The following GPHN variants were observed in gnomAD, a reference collection of about 807,000 sequenced individuals.
The protein encoded by GPHN is gephyrin.
GPHN carries 17 observed loss-of-function variants against 95.5 expected under a neutral mutation model. The observed-to-expected ratio is 0.18, with a 90% CI of 0.12 to 0.27. The LOEUF is 0.27. Among genes scored for constraint, GPHN ranks in the 10% least tolerant of loss-of-function variants. The pLI is 1.00. For missense variants in GPHN, 660 were observed against 978.1 expected (o/e 0.67, Z 4.34); for synonymous variants, 320 against 322.5 (o/e 0.99, Z 0.08).
At chr14:66,976,433 G>C (rs1250211503) in intron 9 of GPHN, among the ~76,000 whole-genome samples, 3 of 152,122 alleles carry the variant, frequency 2.0e-5, no homozygotes, top group African/African-American at 7.2e-5. Context: ...AACAAAATTT[G>C]TTAGATATTG....
chr14:67,086,376 G>C (rs1369761527), intron 11 of GPHN, among the ~76,000 whole-genome samples: 1 of 152,216 alleles, frequency 6.6e-6, no homozygotes, highest in Admixed American at 6.5e-5. Flanking sequence ...TTCTGGTCGG[G>C]CGCGGTGGCT....
chr14:66,639,921 T>C (rs1372888631), intron 1 of GPHN, among the ~76,000 whole-genome samples: 3 of 152,196 alleles, frequency 2.0e-5, no homozygotes, highest in Admixed American at 1.3e-4. Context: ...GCTTATCGTA[T>C]TTCTGTTTAG....
intron 5 of GPHN, among the ~76,000 whole-genome samples, chr14:66,909,652 G>A (rs964357185): frequency 1.3e-5 from 2 of 151,848 alleles, no homozygotes; most frequent in Non-Finnish European, 1.5e-5. Flanking sequence ...GCAATGATTC[G>A]AAGGGAACTT....
At chr14:66,766,985 C>G (rs964329634) in intron 2 of GPHN, among the ~76,000 whole-genome samples, 3 of 151,986 alleles carry the variant, frequency 2.0e-5, no homozygotes, top group Admixed American at 1.3e-4. Flanking sequence ...ATATAGTTAG[C>G]TTCTCAACTT....
chr14:67,203,003 T>C, the GPHN span: 1 of 1,340,514 alleles, frequency 7.5e-7, no homozygotes, highest in Non-Finnish European at 1.0e-6. Flanking sequence ...CCTCCTTTAT[T>C]TCCTACCCTC....
At chr14:67,489,674 A>G in the GPHN span, among the ~76,000 whole-genome samples, 1 of 152,172 alleles carries the variant, frequency 6.6e-6, no homozygotes, top group Non-Finnish European at 1.5e-5. Context: ...CCTTCAACTG[A>G]AACATGTCAT....
the GPHN span, among the ~76,000 whole-genome samples, chr14:67,696,627 T>C: frequency 6.6e-6 from 1 of 152,196 alleles, no homozygotes; most frequent in South Asian, 2.1e-4. Context: ...TATCTCAGAT[T>C]GGCACAGTTG....
intron 1 of GPHN, among the ~76,000 whole-genome samples, chr14:66,655,076 C>A (rs1285122762): frequency 6.6e-6 from 1 of 152,066 alleles, no homozygotes; most frequent in African/African-American, 2.4e-5. Flanking sequence ...AATTCTTTTT[C>A]AAAATTGTTT....
intron 21 of GPHN, among the ~76,000 whole-genome samples, chr14:67,173,125 C>T (rs1228461236): frequency 2.6e-5 from 4 of 152,146 alleles, no homozygotes; most frequent in Non-Finnish European, 4.4e-5. Context: ...ACAACCTACA[C>T]TCAAAACTAC....
At chr14:67,058,951 A>G (rs2075715751) in intron 11 of GPHN, 165 bp downstream of exon 11, 1 of 700,114 alleles carries the variant, frequency 1.4e-6, no homozygotes, top group Non-Finnish European at 2.4e-6. Flanking sequence ...GAAAAAGGCT[A>G]AGGGTTCAGC....
At chr14:66,930,587 A>G (rs572341932) in intron 8 of GPHN, among the ~76,000 whole-genome samples, 135 of 143,624 alleles carry the variant, frequency 9.4e-4, no homozygotes, top group African/African-American at 2.4e-3. Context: ...GTGTAATGGT[A>G]TAATCACGGC....
chr14:67,695,524 G>C, the GPHN span: 3 of 1,135,338 alleles, frequency 2.6e-6, no homozygotes, highest in East Asian at 7.9e-5. Flanking sequence ...CGCCATCTTG[G>C]AGCCCCCCCA....
chr14:67,253,509 A>G, the GPHN span, among the ~76,000 whole-genome samples: 1 of 152,250 alleles, frequency 6.6e-6, no homozygotes, highest in Admixed American at 6.5e-5. Context: ...GGTGTTTTTC[A>G]GTAGGTTGTT....
the GPHN span, chr14:67,729,224 G>C: frequency 1.2e-6 from 2 of 1,611,848 alleles, no homozygotes; most frequent in Non-Finnish European, 1.7e-6. Context: ...GTGCACCCAG[G>C]CGTCGTCCGC....
intron 2 of GPHN, among the ~76,000 whole-genome samples, chr14:66,741,376 A>G (rs935502145): frequency 3.9e-5 from 6 of 152,222 alleles, no homozygotes; most frequent in African/African-American, 1.4e-4. Context: ...GACTTGTGAA[A>G]CCATATACAG....
intron 2 of GPHN, among the ~76,000 whole-genome samples, chr14:66,725,617 G>T (rs558861345): frequency 6.6e-6 from 1 of 152,102 alleles, no homozygotes; most frequent in Non-Finnish European, 1.5e-5. Flanking sequence ...CTGAGTAGCT[G>T]GGATTACAGG....
chr14:67,160,506 C>A (rs1027392579), intron 19 of GPHN, among the ~76,000 whole-genome samples: 7 of 152,120 alleles, frequency 4.6e-5, no homozygotes, highest in Non-Finnish European at 1.0e-4. Context: ...AGTTATAAAT[C>A]CTCAAAGGTT....
At chr14:67,300,917 C>T in the GPHN span, among the ~76,000 whole-genome samples, 1 of 152,036 alleles carries the variant, frequency 6.6e-6, no homozygotes, top group African/African-American at 2.4e-5. Flanking sequence ...GTCTCAAACT[C>T]CTGGGCTTAA....
chr14:66,945,712 T>G (rs528783815), intron 8 of GPHN, among the ~76,000 whole-genome samples: 1 of 152,314 alleles, frequency 6.6e-6, no homozygotes, highest in African/African-American at 2.4e-5. Flanking sequence ...CGGCAAATCT[T>G]GAATACCACA....
Sources: allele counts gnomAD v4.1 joint callset (sites outside exome capture counted in the v4.1 genomes callset), GRCh38; gene constraint gnomAD v4.1.1; transcripts MANE v1.5; gene names NCBI Gene and HGNC (gene_info 2026-07-23, HGNC 2026-07-21).